Variants in NIPBL observed in about 807,000 individuals in gnomAD.
The protein encoded by NIPBL is nipped-B-like protein.
A neutral mutation model predicts 321.8 loss-of-function variants in NIPBL; 19 were observed. The observed-to-expected ratio is 0.06, with a 90% CI of 0.04 to 0.09. The LOEUF (loss-of-function observed/expected upper bound fraction) is 0.09. Among genes scored for constraint, NIPBL ranks in the 10% least tolerant of loss-of-function variants. The pLI is 1.00. For missense variants in NIPBL, 2,210 were observed against 3,327.0 expected (o/e 0.66, Z 8.26); for synonymous variants, 1,106 against 1,114.1 (o/e 0.99, Z 0.14).
chr5:37,032,435 G>GTGTGTGTA (rs1363432900), intron 32 of NIPBL, among the ~76,000 whole-genome samples: 1 of 125,988 alleles, frequency 7.9e-6, no homozygotes, highest in Admixed American at 8.0e-5. Context: ...GTGTGTGTGT[G>GTGTGTGTA]TGTAGTGTGT....
intron 9 of NIPBL, among the ~76,000 whole-genome samples, chr5:36,981,108 G>T (rs1744083329): frequency 1.3e-5 from 2 of 151,552 alleles, no homozygotes; most frequent in Non-Finnish European, 3.0e-5. Context: ...CAAACATTTG[G>T]CACTGAGGAC....
rs1749714083 is a variant in NIPBL, at chr5:37,022,063, C to G, written c.5341C>G (p.Leu1781Val). The G allele has an allele frequency of 1.2e-6, 2 of 1,613,946 alleles. No individual in the cohort carries two copies. Among genetic ancestry groups the G allele is most frequent in the South Asian group, 2.2e-5 (2 of 91,068 alleles). Residue 1781 changes from leucine (L) to valine (V), a missense_variant, in exon 28 of 47, where the codon CTT (leucine) becomes GTT (valine). Coordinates refer to ENST00000282516, the MANE Select transcript of NIPBL (RefSeq NM_133433.4). ...GTTTGCTTGGCAGATCCTACGAGTT[C>G]TTGGTGAAAATGCAATTGCTGTTCG... ...DIYLTQILRVLGENAIAVRTK... is the reference protein window; with the variant it reads ...DIYLTQILRVVGENAIAVRTK...
chr5:37,037,278 C>T (rs1051913060), intron 33 of NIPBL, among the ~76,000 whole-genome samples: 1 of 151,370 alleles, frequency 6.6e-6, no homozygotes, highest in Non-Finnish European at 1.5e-5. Context: ...GTCCCAGCTA[C>T]TTGGGAGGCT....
chr5:36,888,013 C>T (rs1269593282), intron 1 of NIPBL, among the ~76,000 whole-genome samples: 3 of 152,254 alleles, frequency 2.0e-5, no homozygotes, highest in South Asian at 4.1e-4. Flanking sequence ...TTCAGTTATT[C>T]ACCCAGTTCT....
At chr5:36,925,034 A>C (rs2149563854) in intron 1 of NIPBL, among the ~76,000 whole-genome samples, 1 of 152,326 alleles carries the variant, frequency 6.6e-6, no homozygotes, top group Admixed American at 6.5e-5. Flanking sequence ...TACTTTGTCC[A>C]CTTATGCAGG....
chr5:36,971,640 C>G (rs1742865255), intron 7 of NIPBL: 1 of 160,436 alleles, frequency 6.2e-6, no homozygotes, highest in African/African-American at 2.4e-5. Flanking sequence ...ACTCTGCCCT[C>G]AAGTCATTTA....
chr5:36,911,897 A>C, intron 1 of NIPBL, among the ~76,000 whole-genome samples: 1 of 152,232 alleles, frequency 6.6e-6, no homozygotes, highest in East Asian at 1.9e-4. Context: ...GATGTAGATA[A>C]GCAGTGAATT....
intron 34 of NIPBL, among the ~76,000 whole-genome samples, chr5:37,042,753 G>C (rs1016974100): frequency 6.6e-6 from 1 of 151,662 alleles, no homozygotes. Context: ...TTGAACTCAG[G>C]AGGCGGAGGT....
At chr5:37,013,560 A>T (rs973611499) in intron 21 of NIPBL, among the ~76,000 whole-genome samples, 71 of 148,796 alleles carry the variant, frequency 4.8e-4, no homozygotes, top group Non-Finnish European at 9.5e-4. Context: ...CGCTCCTCAC[A>T]TACCGGACGG....
intron 42 of NIPBL, 36 bp from the exon 43 acceptor site, chr5:37,057,150 C>G: frequency 1.9e-6 from 3 of 1,609,320 alleles, no homozygotes; most frequent in Non-Finnish European, 2.5e-6. Context: ...TCTAGATTAT[C>G]CGCTAAACAT....
chr5:36,917,567 T>C (rs1748570183), intron 1 of NIPBL, among the ~76,000 whole-genome samples: 1 of 152,210 alleles, frequency 6.6e-6, no homozygotes, highest in African/African-American at 2.4e-5. Context: ...GTAAATGACA[T>C]GTCATTTAGT....
chr5:37,059,092 A>C lies in NIPBL; in HGVS notation c.7612A>C (p.Asn2538His). ...TTCAGCTCCTTTAATCGAATTTGCA[A>C]ATGTGTCCCAGGGTATTTTATTACT... is the stretch of plus-strand genomic sequence containing the variant. ...ENSAPLIEFA[N>H]VSQGILLLLM... Residue 2538 changes from asparagine (N) to histidine (H), a missense_variant, in exon 44 of 47, where the codon AAT (asparagine) becomes CAT (histidine). Physicochemically the swap from Asn to His is moderately conservative, Grantham distance 68 (BLOSUM62 1). This residue lies in a region of NIPBL where 79 missense variants were observed against 90.8 expected (regional missense o/e 0.87). Coordinates refer to ENST00000282516, the MANE Select transcript of NIPBL (RefSeq NM_133433.4). 6.2e-7 allele frequency: 1 copy of C among 1,614,194 alleles called. No individual in the cohort carries two copies. The highest frequency in any genetic ancestry group is 8.5e-7 in the Non-Finnish European group (1 of 1,180,002).
chr5:36,997,670 C>T (rs555709056), intron 11 of NIPBL, among the ~76,000 whole-genome samples: 1 of 152,248 alleles, frequency 6.6e-6, no homozygotes, highest in South Asian at 2.1e-4. Context: ...GAGTAGCTTC[C>T]TGTTTTTCTT....
intron 22 of NIPBL, among the ~76,000 whole-genome samples, chr5:37,015,303 C>T (rs1015526813): frequency 2.1e-4 from 32 of 152,008 alleles, no homozygotes; most frequent in Non-Finnish European, 1.2e-4. Context: ...TTTGTATTTT[C>T]AGTAGAGACG....
chr5:36,897,180 T>G (rs886486974), intron 1 of NIPBL, among the ~76,000 whole-genome samples: 15 of 151,982 alleles, frequency 9.9e-5, no homozygotes, highest in African/African-American at 3.6e-4. Context: ...TTTTTTGTTT[T>G]TTTAGTAGAG....
At chr5:36,959,379 G>A (rs999127287) in intron 4 of NIPBL, among the ~76,000 whole-genome samples, 5 of 152,140 alleles carry the variant, frequency 3.3e-5, no homozygotes, top group Admixed American at 2.0e-4. Context: ...CAATTGCATA[G>A]TTACTATTGA....
chr5:36,938,939 C>T lies in NIPBL; in HGVS notation c.-79-14679C>T, dbSNP rs1360133629. ...TAGTTATGTGTAACAGTACCACACT[C>T]AACTTACTATTCTATCACTGTAAAC... On this transcript the variant is annotated intron_variant, in intron 1 of 46. Coordinates refer to ENST00000282516, the MANE Select transcript of NIPBL (RefSeq NM_133433.4). Among the ~76,000 whole-genome samples the T allele has an allele frequency of 2.6e-5, 4 of 152,216 alleles. No individual in the cohort carries two copies. In the East Asian group the frequency reaches 7.7e-4, roughly 29 times the overall value.
intron 6 of NIPBL, among the ~76,000 whole-genome samples, chr5:36,966,906 G>A (rs997521076): frequency 1.3e-5 from 2 of 151,928 alleles, no homozygotes; most frequent in African/African-American, 4.8e-5. Flanking sequence ...TATTCTAAGA[G>A]TTGAGAAGGC....
chr5:37,009,518 G>A (rs1477601710), intron 20 of NIPBL, among the ~76,000 whole-genome samples: 2 of 151,998 alleles, frequency 1.3e-5, no homozygotes, highest in African/African-American at 4.8e-5. Context: ...TGGACTAATT[G>A]TATACTGATA....
Sources: gnomAD v4.1 joint callset for allele counts (sites outside exome capture counted in the v4.1 genomes callset) on GRCh38, gnomAD v4.1.1 for gene constraint, gnomAD v4.1.1 regional missense constraint, MANE v1.5 for transcripts, NCBI Gene and HGNC (gene_info 2026-07-23, HGNC 2026-07-21) for gene names.